Variants in MAP3K8 observed in about 807,000 individuals in gnomAD.
The protein encoded by MAP3K8 is mitogen-activated protein kinase kinase kinase 8.
A neutral mutation model predicts 45.8 loss-of-function variants in MAP3K8; 22 were observed. The observed-to-expected ratio is 0.48, with a 90% CI of 0.34 to 0.69. The LOEUF (loss-of-function observed/expected upper bound fraction) is 0.69. Among genes scored for constraint, MAP3K8 ranks in the 30% least tolerant of loss-of-function variants. The pLI is 0.01. For synonymous variants in MAP3K8, 223 were observed against 214.3 expected (o/e 1.04, Z -0.36); for missense variants, 419 against 585.0 (o/e 0.72, Z 2.93).
At chr10:30,459,593 A>G (rs904765303) in intron 8 of MAP3K8, 92 bp downstream of exon 8, 23 of 1,469,858 alleles carry the variant, frequency 1.6e-5, no homozygotes, top group Middle Eastern at 2.5e-4. Flanking sequence ...GCACTTGGAA[A>G]AAAAGGAAAT....
intron 4 of MAP3K8, among the ~76,000 whole-genome samples, chr10:30,448,839 T>G (rs1836438247): frequency 6.6e-6 from 1 of 152,118 alleles, no homozygotes; most frequent in African/African-American, 2.4e-5. Flanking sequence ...ATTCCTCTCC[T>G]GTAGGTGCAC....
At chr10:30,452,506 G>A (rs759086929) in intron 6 of MAP3K8, among the ~76,000 whole-genome samples, 4 of 151,598 alleles carry the variant, frequency 2.6e-5, no homozygotes, top group East Asian at 1.9e-4. Context: ...GGTGGTACAC[G>A]CCTGTAGTCT....
chr10:30,442,603 A>C (rs1176065835), intron 3 of MAP3K8, among the ~76,000 whole-genome samples: 2 of 152,226 alleles, frequency 1.3e-5, no homozygotes, highest in East Asian at 3.9e-4. Context: ...TCTGGGGAAG[A>C]AGCTTTGGGA....
chr10:30,457,669 T>C (rs1408584865), intron 6 of MAP3K8, among the ~76,000 whole-genome samples: 1 of 152,090 alleles, frequency 6.6e-6, no homozygotes, highest in Non-Finnish European at 1.5e-5. Flanking sequence ...TTTTTGAGAC[T>C]GAGTCTCGCT....
chr10:30,434,395 G>C lies in MAP3K8; in HGVS notation c.-255+17G>C. The C allele has an allele frequency of 1.1e-6, 1 of 942,260 alleles. No individual in the cohort carries two copies. The highest frequency in any genetic ancestry group is 1.3e-6 in the Non-Finnish European group (1 of 790,580). The allele number at this position is 942,260 out of a possible 1,614,324, so 58.4% of individuals were successfully genotyped here. On this transcript the variant is annotated intron_variant, in intron 1 of 8. Coordinates refer to ENST00000263056, the MANE Select transcript of MAP3K8 (RefSeq NM_005204.4). ...AGGCCGCAGGTAATCCAGGGTTGGG[G>C]GTCTCCGGCGTGTCTTTCGGGTCGC... is the stretch of plus-strand genomic sequence containing the variant.
chr10:30,435,592 G>A (rs1390156469), intron 1 of MAP3K8, among the ~76,000 whole-genome samples: 1 of 152,012 alleles, frequency 6.6e-6, no homozygotes, highest in Non-Finnish European at 1.5e-5. Flanking sequence ...CACTCTTGTC[G>A]CCCAGGCTGG....
chr10:30,441,363 G>C (rs1245086404), intron 3 of MAP3K8, among the ~76,000 whole-genome samples: 1 of 152,056 alleles, frequency 6.6e-6, no homozygotes, highest in African/African-American at 2.4e-5. Flanking sequence ...CACCATGTTG[G>C]CCAGGCTGGT....
At chr10:30,441,874 C>T (rs1391046272) in intron 3 of MAP3K8, among the ~76,000 whole-genome samples, 1 of 152,186 alleles carries the variant, frequency 6.6e-6, no homozygotes, top group Non-Finnish European at 1.5e-5. Context: ...ATTGGAACCA[C>T]CCAATGTTCA....
Position 30,459,423 on chromosome 10 carries a change from C to A in MAP3K8, c.1195C>A (p.Gln399Lys). ...GCCCAGAGAGGATCAGCCACGCTGTCAGAGTCTGGACTCTGCCCTCTTGGA... is the reference window on the plus strand; with the variant it reads ...GCCCAGAGAGGATCAGCCACGCTGTAAGAGTCTGGACTCTGCCCTCTTGGA... ...NPPREDQPRC[Q>K]SLDSALLERK... Residue 399 changes from glutamine to lysine, a missense_variant, in exon 8 of 9, where the codon CAG (glutamine) becomes AAG (lysine). By Grantham distance (53) the Gln-to-Lys change is moderately conservative (BLOSUM62 1). Transcript: ENST00000263056. 6.2e-7 allele frequency: 1 copy of A among 1,614,164 alleles called. No homozygotes were observed. Among genetic ancestry groups the A allele is most frequent in the South Asian group, 1.1e-5 (1 of 91,076 alleles).
intron 8 of MAP3K8, among the ~76,000 whole-genome samples, chr10:30,460,101 C>A (rs1289022086): frequency 6.6e-6 from 1 of 152,288 alleles, no homozygotes; most frequent in East Asian, 1.9e-4. Context: ...CCTTGGCCTC[C>A]CAAAGTGTGG....
In MAP3K8 at chr10:30,439,042, C is replaced by T. The variant is rs1392922417; in HGVS notation, c.104C>T (p.Ala35Val). 1 of 1,613,702 alleles carries T rather than the reference C, an allele frequency of 6.2e-7. No homozygotes were observed. Among genetic ancestry groups the T allele is most frequent in the African/African-American group, 1.3e-5 (1 of 74,900 alleles). Residue 35 changes from alanine (A) to valine (V), a missense_variant, in exon 3 of 9, where the codon GCA becomes GTA. Transcript: ENST00000263056. ...ATAGACATTATGGAAAATCTTTATG[C>T]AAGTGAAGAGCCAGCAGTTTATGAA... ...DVIDIMENLYASEEPAVYEPS... is the reference protein window; with the variant it reads ...DVIDIMENLYVSEEPAVYEPS...
rs1431405082 is a variant in MAP3K8, at chr10:30,447,679, G to A, written c.337-103G>A. The stretch of plus-strand genomic sequence containing the variant: ...ACAGTGACATTAATTTCATAACTGT[G>A]TATCAGAATGCTGCTAAAATAACCA... On this transcript the variant is annotated intron_variant, in intron 3 of 8. Coordinates refer to ENST00000263056, the MANE Select transcript of MAP3K8 (RefSeq NM_005204.4). 1.6e-5 allele frequency: 13 copies of A among 828,554 alleles called. 1 individual carries two copies. The Admixed American group carries it at 1.8e-4, about 11-fold the overall frequency. The allele number at this position is 828,554 out of a possible 1,614,324, so 51.3% of individuals were successfully genotyped here. A position where few individuals can be genotyped will look rare whatever the true frequency, so the allele number is the denominator to read the frequency against.
chr10:30,443,566 A>T (rs140678442), intron 3 of MAP3K8, among the ~76,000 whole-genome samples: 1 of 152,310 alleles, frequency 6.6e-6, no homozygotes, highest in Non-Finnish European at 1.5e-5. Flanking sequence ...TCTTAGAGCC[A>T]TATTTTGAAT....
At chr10:30,446,572 A>T (rs1836348296) in intron 3 of MAP3K8, among the ~76,000 whole-genome samples, 1 of 151,708 alleles carries the variant, frequency 6.6e-6, no homozygotes, top group Non-Finnish European at 1.5e-5. Context: ...AAGTTTCATA[A>T]CTCCTGAATT....
chr10:30,451,606 T>A (rs763277014), intron 5 of MAP3K8, 32 bp from the exon 6 acceptor site: 3 of 1,335,910 alleles, frequency 2.2e-6, no homozygotes, highest in Admixed American at 3.9e-5. Flanking sequence ...ATATAAAAAA[T>A]TTTATCTTAA....
intron 6 of MAP3K8, among the ~76,000 whole-genome samples, chr10:30,455,256 T>C (rs1258129829): frequency 3.3e-5 from 5 of 152,216 alleles, no homozygotes; most frequent in African/African-American, 1.2e-4. Flanking sequence ...AGTTGTGAAG[T>C]GACCAGTGAA....
At chr10:30,455,495 C>G (rs924383468) in intron 6 of MAP3K8, among the ~76,000 whole-genome samples, 1 of 152,196 alleles carries the variant, frequency 6.6e-6, no homozygotes, top group African/African-American at 2.4e-5. Context: ...CCATGTAATA[C>G]ACATCCAGGG....
chr10:30,436,584 T>G (rs1400713142), intron 1 of MAP3K8, among the ~76,000 whole-genome samples: 1 of 151,794 alleles, frequency 6.6e-6, no homozygotes, highest in Non-Finnish European at 1.5e-5. Flanking sequence ...AAAACTAACA[T>G]CTTGTCTTAC....
Position 30,461,481 on chromosome 10 carries a change from A to AAAACGTGATGTTTTG in MAP3K8, c.*648_*662dup, listed in dbSNP as rs1836937308. The AAAACGTGATGTTTTG allele has an allele frequency of 5.1e-6, 1 of 196,814 alleles. No homozygotes were observed. The highest frequency in any genetic ancestry group is 1.9e-4 in the South Asian group (1 of 5,224). 12.2% of individuals were successfully genotyped at this position (196,814 alleles called of 1,614,324 possible). On this transcript the variant is annotated 3_prime_UTR_variant, in exon 9 of 9. Transcript: ENST00000263056. ...TGTACATGCTATGCTGAAGACATTC[A>AAAACGTGATGTTTTG]AAACGTGATGTTTTGAATGTGGATA...
Sources: gnomAD v4.1 joint callset for allele counts (sites outside exome capture counted in the v4.1 genomes callset) on GRCh38, gnomAD v4.1.1 for gene constraint, MANE v1.5 for transcripts, NCBI Gene and HGNC (gene_info 2026-07-23, HGNC 2026-07-21) for gene names.